EXT1: variants seen among roughly 807,000 people sequenced by gnomAD.
EXT1 encodes the protein exostosin glycosyltransferase 1.
Under a neutral mutation model 82.5 loss-of-function variants are expected in EXT1, and 20 were observed. That is an observed-to-expected ratio of 0.24 (90% CI 0.17 to 0.35). The LOEUF is 0.35. Ranked by LOEUF, EXT1 falls within the 10% of genes least tolerant of loss-of-function variation. The probability of loss-of-function intolerance (pLI) is 1.00; values close to 1 mark genes in which losing one functional copy is unlikely to be tolerated. For synonymous variants in EXT1, 348 were observed against 350.8 expected (o/e 0.99, Z 0.09); for missense variants, 757 against 936.5 (o/e 0.81, Z 2.50).
chr8:118,016,591 G>A (rs1236137204), intron 1 of EXT1, among the ~76,000 whole-genome samples: 1 of 152,172 alleles, frequency 6.6e-6, no homozygotes, highest in African/African-American at 2.4e-5. Flanking sequence ...GGTGGGAAGA[G>A]AGGAAGGCAG....
chr8:117,800,533 C>T lies in EXT1; in HGVS notation c.2056-636G>A, dbSNP rs142154051. The stretch of plus-strand genomic sequence containing the variant: ...TTCTCTTCTGTAGCCTCCCCATTGA[C>T]GTGACTCCATGAGGATGAGAAGGTG... On this transcript the variant is annotated intron_variant, in intron 10 of 10. Coordinates refer to ENST00000378204, the MANE Select transcript of EXT1 (RefSeq NM_000127.3). Among the ~76,000 whole-genome samples the T allele has an allele frequency of 4.6e-5, 7 of 152,284 alleles. No homozygotes were observed. In the East Asian group the frequency reaches 7.7e-4, roughly 17 times the overall value.
chr8:118,052,340 T>A (rs1816730615), intron 1 of EXT1, among the ~76,000 whole-genome samples: 1 of 152,262 alleles, frequency 6.6e-6, no homozygotes, highest in Non-Finnish European at 1.5e-5. Context: ...TTTCAATGAA[T>A]AGGCCTGAAT....
At chr8:117,829,386 A>T (rs181616334) in intron 4 of EXT1, among the ~76,000 whole-genome samples, 1 of 151,876 alleles carries the variant, frequency 6.6e-6, no homozygotes, top group East Asian at 1.9e-4. Context: ...TCTGTGCCAC[A>T]TGGGTATGAT....
intron 1 of EXT1, among the ~76,000 whole-genome samples, chr8:118,076,205 T>G (rs960594342): frequency 6.6e-6 from 1 of 152,190 alleles, no homozygotes; most frequent in African/African-American, 2.4e-5. Context: ...TGCTTTTACA[T>G]GTACATGTAA....
chr8:117,980,700 T>G (rs1463941169), intron 1 of EXT1, among the ~76,000 whole-genome samples: 7 of 11,140 alleles, frequency 6.3e-4, no homozygotes, highest in East Asian at 3.3e-3. Flanking sequence ...TGTTGGTGGT[T>G]TTTTTTTTTT....
At chr8:118,100,997 A>G (rs10755915) in intron 1 of EXT1, among the ~76,000 whole-genome samples, 79,949 of 152,052 alleles carry the variant, frequency 0.53, 23,073 homozygotes, top group Middle Eastern at 0.67. Context: ...CAAAGTAGAG[A>G]TAAGTTATTG....
intron 1 of EXT1, among the ~76,000 whole-genome samples, chr8:118,061,382 T>C (rs933246615): frequency 7.2e-5 from 11 of 152,238 alleles, no homozygotes; most frequent in Admixed American, 6.5e-4. Flanking sequence ...TGAGAGGTTG[T>C]ATGTGTTATG....
At chr8:117,908,877 G>A (rs997822454) in intron 1 of EXT1, among the ~76,000 whole-genome samples, 17 of 151,700 alleles carry the variant, frequency 1.1e-4, no homozygotes, top group South Asian at 4.2e-4. Context: ...TAATCCGACC[G>A]TTTTGGGAGG....
chr8:118,094,940 A>C (rs1361402651), intron 1 of EXT1, among the ~76,000 whole-genome samples: 1 of 152,216 alleles, frequency 6.6e-6, no homozygotes, highest in African/African-American at 2.4e-5. Context: ...CTCTCCAGAC[A>C]AAACTGTCTG....
chr8:117,823,784 T>TAG (rs1249709625), intron 4 of EXT1, among the ~76,000 whole-genome samples: 1 of 152,198 alleles, frequency 6.6e-6, no homozygotes, highest in Non-Finnish European at 1.5e-5. Context: ...TCAAATATCT[T>TAG]AGTTCAATGA....
At chr8:118,065,364 C>T (rs1041106854) in intron 1 of EXT1, among the ~76,000 whole-genome samples, 5 of 152,130 alleles carry the variant, frequency 3.3e-5, no homozygotes, top group Non-Finnish European at 1.5e-5. Context: ...AAACAGATAA[C>T]ATTTCAGAGA....
At chr8:118,098,488 C>T (rs1446296467) in intron 1 of EXT1, among the ~76,000 whole-genome samples, 4 of 151,944 alleles carry the variant, frequency 2.6e-5, no homozygotes, top group Non-Finnish European at 5.9e-5. Flanking sequence ...TGCAGTGGCT[C>T]GCTCATACCT....
chr8:117,844,137 C>CTACTATTATTATTAT (rs1812315241), intron 1 of EXT1, among the ~76,000 whole-genome samples: 1 of 142,532 alleles, frequency 7.0e-6, no homozygotes, highest in Non-Finnish European at 1.5e-5. Flanking sequence ...ATTTCAATTA[C>CTACTATTATTATTAT]TATTATTATT....
At chr8:117,839,197 C>A (rs143768830) in intron 1 of EXT1, among the ~76,000 whole-genome samples, 2 of 152,226 alleles carry the variant, frequency 1.3e-5, no homozygotes, top group African/African-American at 2.4e-5. Context: ...GGGAAGAATA[C>A]CCTTGCAGGA....
intron 1 of EXT1, among the ~76,000 whole-genome samples, chr8:117,926,714 A>G (rs999866594): frequency 3.3e-5 from 5 of 152,236 alleles, no homozygotes; most frequent in African/African-American, 1.2e-4. Flanking sequence ...GAAGGCAGAC[A>G]GTTCAACTCT....
Position 117,831,824 on chromosome 8 carries a change from G to A in EXT1, c.1165-1475C>T, listed in dbSNP as rs1167885708. ...ATAAAATAGCTTCACAGTAAGAACA[G>A]AAGGAAAAGCTCACTTGGTTTGACA... is the stretch of plus-strand genomic sequence containing the variant. On this transcript the variant is annotated intron_variant, in intron 3 of 10. Transcript: ENST00000378204. 2.0e-5 allele frequency among the ~76,000 whole-genome samples: 3 copies of A among 152,296 alleles called. No individual in the cohort carries two copies. The East Asian group carries it at 5.8e-4, about 29-fold the overall frequency.
chr8:118,093,899 A>G (rs1359470519), intron 1 of EXT1, among the ~76,000 whole-genome samples: 2 of 152,246 alleles, frequency 1.3e-5, no homozygotes. Flanking sequence ...TGATAATGCC[A>G]TCCTCAAGAA....
chr8:118,073,659 G>A (rs17454141), intron 1 of EXT1, among the ~76,000 whole-genome samples: 4 of 147,042 alleles, frequency 2.7e-5, no homozygotes, highest in Non-Finnish European at 6.0e-5. Context: ...GAAGAGAAGA[G>A]AAGAGAAGAG....
Position 117,799,606 on chromosome 8 carries a change from T to C in EXT1, c.*106A>G. 2.3e-6 allele frequency: 3 copies of C among 1,317,184 alleles called. No individual in the cohort carries two copies. Among genetic ancestry groups the C allele is most frequent in the Non-Finnish European group, 3.3e-6 (3 of 920,738 alleles). 81.6% of individuals were successfully genotyped at this position (1,317,184 alleles called of 1,614,324 possible). A position where few individuals can be genotyped will look rare whatever the true frequency, so the allele number is the denominator to read the frequency against. ...CATTCTGCTCATCTAAGTTTTTGGA[T>C]AGTTGGCACAATCTGGCTCTGCTGA... is the stretch of plus-strand genomic sequence containing the variant. On this transcript the variant is annotated 3_prime_UTR_variant, in exon 11 of 11. Coordinates refer to ENST00000378204, the MANE Select transcript of EXT1 (RefSeq NM_000127.3).
Sources: allele counts gnomAD v4.1 joint callset (sites outside exome capture counted in the v4.1 genomes callset), GRCh38; gene constraint gnomAD v4.1.1; transcripts MANE v1.5; gene names NCBI Gene and HGNC (gene_info 2026-07-23, HGNC 2026-07-21).